DLG1: variants seen among roughly 807,000 people sequenced by gnomAD.
The protein encoded by DLG1 is discs large MAGUK scaffold protein 1.
DLG1 carries 42 observed loss-of-function variants against 123.4 expected under a neutral mutation model. That is an observed-to-expected ratio of 0.34 (90% CI 0.27 to 0.44). The LOEUF is 0.44. Ranked by LOEUF, DLG1 falls within the 20% of genes least tolerant of loss-of-function variation. The pLI, the probability that DLG1 is intolerant of heterozygous loss-of-function variation, is 1.00. For synonymous variants in DLG1, 317 were observed against 356.2 expected (o/e 0.89, Z 1.24); for missense variants, 942 against 1,082.6 (o/e 0.87, Z 1.82).
intron 4 of DLG1, among the ~76,000 whole-genome samples, chr3:197,203,477 C>A (rs745350625): frequency 1.3e-5 from 2 of 151,468 alleles, no homozygotes; most frequent in Non-Finnish European, 2.9e-5. Context: ...GAATCCAGTA[C>A]ACATCATCAA....
At chr3:197,140,031 G>T in intron 8 of DLG1, 109 bp downstream of exon 8, 2 of 1,230,300 alleles carry the variant, frequency 1.6e-6, no homozygotes, top group East Asian at 2.4e-5. Flanking sequence ...TCTACCCTAT[G>T]CTAGTTATCA....
intron 23 of DLG1, 92 bp downstream of exon 23, chr3:197,059,797 A>C (rs2148820800): frequency 2.5e-6 from 2 of 793,534 alleles, no homozygotes; most frequent in East Asian, 5.1e-5. Flanking sequence ...TCTCAATTTT[A>C]TAGATAAACT....
rs535824501 is a variant in DLG1, at chr3:197,119,286, T to G, written c.1286+124A>C. ...ATCCTCCTATGGAAAAAAATTAACC[T>G]TTAAGCTCACTAACTGTCAATAAAA... On this transcript the variant is annotated intron_variant, in intron 12 of 24. Coordinates refer to ENST00000667157, the MANE Select transcript of DLG1 (RefSeq NM_001366207.1). 9 of 699,928 alleles carry G rather than the reference T, an allele frequency of 1.3e-5. No individual in the cohort carries two copies. The South Asian group carries it at 2.5e-4, about 19-fold the overall frequency. 43.4% of individuals were successfully genotyped at this position (699,928 alleles called of 1,614,324 possible). A position where few individuals can be genotyped will look rare whatever the true frequency, so the allele number is the denominator to read the frequency against.
Position 197,296,415 on chromosome 3 carries a change from T to C in DLG1, c.82A>G (p.Arg28Gly). 6.2e-7 allele frequency: 1 copy of C among 1,613,518 alleles called. No individual in the cohort carries two copies. Among genetic ancestry groups the C allele is most frequent in the Non-Finnish European group, 8.5e-7 (1 of 1,179,474 alleles). ...YRSKLSQTEDRQLRSSIERVI... is the reference protein window; with the variant it reads ...YRSKLSQTEDGQLRSSIERVI... ...CGTTCTATGGAACTTCTGAGCTGTC[T>C]GTCTTCAGTTTGGCTTAGTTTTGAA... The change falls in exon 3 of 25, where the codon AGA becomes GGA. Residue 28 changes from arginine (R) to glycine (G), a missense_variant. Coordinates refer to ENST00000667157, the MANE Select transcript of DLG1 (RefSeq NM_001366207.1).
intron 1 of DLG1, 163 bp from the exon 2 acceptor site, chr3:197,297,398 T>C: frequency 2.1e-6 from 3 of 1,433,756 alleles, no homozygotes; most frequent in Non-Finnish European, 2.7e-6. Context: ...TCTGTCAACG[T>C]GGAAAGCTTT....
At chr3:197,149,563 A>G (rs1282722120) in intron 6 of DLG1, among the ~76,000 whole-genome samples, 180 bp downstream of exon 6, 1 of 152,166 alleles carries the variant, frequency 6.6e-6, no homozygotes, top group Non-Finnish European at 1.5e-5. Flanking sequence ...GGAAAAAAAA[A>G]TGACCAAAGG....
intron 4 of DLG1, among the ~76,000 whole-genome samples, chr3:197,251,137 G>C (rs1046220710): frequency 5.3e-5 from 8 of 151,452 alleles, no homozygotes; most frequent in Non-Finnish European, 1.2e-4. Flanking sequence ...TGTAACCCCA[G>C]CATTTGGGAG....
chr3:197,088,598 G>C (rs554974141), intron 15 of DLG1, among the ~76,000 whole-genome samples: 174 of 152,304 alleles, frequency 1.1e-3, no homozygotes, highest in Non-Finnish European at 2.2e-3. Flanking sequence ...AAAGGAAATA[G>C]AATAATGGCA....
chr3:197,297,849 G>C lies in DLG1; in HGVS notation c.-31-614C>G, dbSNP rs543062868. On this transcript the variant is annotated intron_variant, in intron 1 of 24. Coordinates refer to ENST00000667157, the MANE Select transcript of DLG1 (RefSeq NM_001366207.1). ...TCGGAACTGGGGTGCGCCCCGGCCA[G>C]ACTCGGAGCAGCTCCCCAGCCCGGC... 9 of 985,328 alleles carry C rather than the reference G, an allele frequency of 9.1e-6. No homozygotes were observed. The African/African-American group carries it at 1.2e-4, about 13-fold the overall frequency. The allele number at this position is 985,328 out of a possible 1,614,324, so 61.0% of individuals were successfully genotyped here.
chr3:197,191,520 G>A (rs1719551572), intron 5 of DLG1, among the ~76,000 whole-genome samples: 1 of 152,176 alleles, frequency 6.6e-6, no homozygotes, highest in Non-Finnish European at 1.5e-5. Context: ...AGTTGGCCAT[G>A]TGCAAATTGG....
rs536425400 is a variant in DLG1 at position 197,218,593 on chromosome 3, A to C, written c.319-24004T>G. ...ATTTTCTACTTCTGCAAGACTAATA[A>C]GCAATCAGGAACTATAACTTCTCCT... On this transcript the variant is annotated intron_variant, in intron 4 of 24. Coordinates refer to ENST00000667157, the MANE Select transcript of DLG1 (RefSeq NM_001366207.1). 4.6e-5 allele frequency among the ~76,000 whole-genome samples: 7 copies of C among 152,358 alleles called. No individual in the cohort carries two copies. In the East Asian group the frequency reaches 1.2e-3, roughly 25 times the overall value.
chr3:197,137,770 G>A (rs1785782998), intron 9 of DLG1, among the ~76,000 whole-genome samples: 1 of 151,918 alleles, frequency 6.6e-6, no homozygotes. Context: ...AGGAGTTTGA[G>A]ACCAGCCTAG....
chr3:197,046,871 A>G (rs1723561164), intron 24 of DLG1, among the ~76,000 whole-genome samples: 1 of 152,186 alleles, frequency 6.6e-6, no homozygotes, highest in African/African-American at 2.4e-5. Flanking sequence ...CCCTGGCTCA[A>G]AAAAAAACAA....
rs192747639 is a variant in DLG1, at chr3:197,074,036, G to A, written c.2005+2550C>T. Among the ~76,000 whole-genome samples, 39 of 152,186 alleles carry A rather than the reference G, an allele frequency of 2.6e-4. No individual in the cohort carries two copies. In the East Asian group the frequency reaches 5.4e-3, roughly 21 times the overall value. On this transcript the variant is annotated intron_variant, in intron 18 of 24. Coordinates refer to ENST00000667157, the MANE Select transcript of DLG1 (RefSeq NM_001366207.1). ...GTAAGTAACTGAGGCCACAAGTAACGTCCTTGAACACATCCTTCTTCCCAG... is the reference window on the plus strand; with the variant it reads ...GTAAGTAACTGAGGCCACAAGTAACATCCTTGAACACATCCTTCTTCCCAG...
At chr3:197,228,553 C>T (rs1033115799) in intron 4 of DLG1, among the ~76,000 whole-genome samples, 6 of 152,034 alleles carry the variant, frequency 3.9e-5, no homozygotes, top group African/African-American at 1.2e-4. Flanking sequence ...ATGAGTTCAA[C>T]GTATACATTT....
intron 3 of DLG1, among the ~76,000 whole-genome samples, chr3:197,288,225 G>A (rs544489453): frequency 2.0e-5 from 3 of 151,846 alleles, no homozygotes; most frequent in South Asian, 2.1e-4. Flanking sequence ...CTAGCTAGGC[G>A]TGGTGGCGCA....
At chr3:197,210,475 TAAAGATAATA>T (rs1272310627) in intron 4 of DLG1, among the ~76,000 whole-genome samples, 6 of 144,200 alleles carry the variant, frequency 4.2e-5, no homozygotes, top group African/African-American at 1.5e-4. Context: ...ATAGATCTTA[TAAAGATAATA>T]AAAGATAATT....
rs772262678 is a variant in DLG1, at chr3:197,119,450, G to A, written c.1246C>T (p.Pro416Ser). Residue 416 changes from proline to serine, a missense_variant, in exon 12 of 25, where the codon CCA becomes TCA. Transcript: ENST00000667157. ...TCTCCAAGTACTGCTTTAGAAACTG[G>A]GGAGTATCTGGCTGGAGATGCTGGT... ...QTPASPARYS[P>S]VSKAVLGDDE... 7.5e-6 allele frequency: 12 copies of A among 1,610,550 alleles called. No homozygotes were observed. The highest frequency in any genetic ancestry group is 2.2e-5 in the East Asian group (1 of 44,734).
At chr3:197,189,628 TC>T (rs1467657042) in intron 5 of DLG1, among the ~76,000 whole-genome samples, 7 of 152,150 alleles carry the variant, frequency 4.6e-5, no homozygotes, top group Admixed American at 4.6e-4. Context: ...CAGAGACTGA[TC>T]CTGTTAATAC....
Sources: gnomAD v4.1 joint callset for allele counts (sites outside exome capture counted in the v4.1 genomes callset) on GRCh38, gnomAD v4.1.1 for gene constraint, MANE v1.5 for transcripts, NCBI Gene and HGNC (gene_info 2026-07-23, HGNC 2026-07-21) for gene names.